AFAP1: variants seen among roughly 807,000 people sequenced by gnomAD.
AFAP1 encodes the protein actin filament associated protein 1, also known as actin filament-associated protein 1.
In AFAP1, 75 loss-of-function variants were observed where a neutral mutation model predicts 93.9. That is an observed-to-expected ratio of 0.80 (90% CI 0.66 to 0.97). The LOEUF is 0.97. AFAP1 is among the 50% of genes least tolerant of loss of function. AFAP1 has a pLI of 0.00. For missense variants in AFAP1, 1,201 were observed against 1,050.8 expected (o/e 1.14, Z -1.98); for synonymous variants, 517 against 430.7 (o/e 1.20, Z -2.48).
At chr4:7,937,084 AAAAC>A (rs1329750982) in intron 1 of AFAP1, among the ~76,000 whole-genome samples, 1 of 152,058 alleles carries the variant, frequency 6.6e-6, no homozygotes, top group Non-Finnish European at 1.5e-5. Context: ...TAATGAGAAA[AAAAC>A]AAACCAATTG....
chr4:7,923,754 C>G (rs1043507524), intron 1 of AFAP1, among the ~76,000 whole-genome samples: 2 of 152,112 alleles, frequency 1.3e-5, no homozygotes, highest in Admixed American at 1.3e-4. Context: ...TGTGAGCCAC[C>G]GCACCCGGCC....
intron 8 of AFAP1, among the ~76,000 whole-genome samples, chr4:7,813,603 T>C (rs934513518): frequency 2.0e-5 from 3 of 152,130 alleles, no homozygotes; most frequent in Non-Finnish European, 4.4e-5. Context: ...AACATTGAGA[T>C]TGTATGTTAT....
At chr4:7,831,910 A>T (rs528600267) in intron 6 of AFAP1, among the ~76,000 whole-genome samples, 1 of 152,262 alleles carries the variant, frequency 6.6e-6, no homozygotes, top group Admixed American at 6.5e-5. Flanking sequence ...GGTCATAGAA[A>T]TGTGGAATAA....
chr4:7,797,182 G>A (rs1718509038), intron 10 of AFAP1, among the ~76,000 whole-genome samples: 1 of 152,202 alleles, frequency 6.6e-6, no homozygotes, highest in African/African-American at 2.4e-5. Flanking sequence ...GCTAATAAAT[G>A]TAGAAGGAAT....
chr4:7,769,234 G>T (rs1715065318), intron 16 of AFAP1, among the ~76,000 whole-genome samples: 2 of 152,212 alleles, frequency 1.3e-5, no homozygotes, highest in Non-Finnish European at 2.9e-5. Flanking sequence ...GGCTCCAAGG[G>T]GTGCTCTGAC....
rs753024667 is a variant in AFAP1 at position 7,772,855 on chromosome 4, C to G, written c.2218G>C (p.Ala740Pro). The G allele has an allele frequency of 2.5e-6, 4 of 1,613,898 alleles. No homozygotes were observed. The highest frequency in any genetic ancestry group is 1.3e-5 in the African/African-American group (1 of 74,940). ...ALAGGVTLGL[A>P]IEPKSGTSSP... ...GATGTCCCTGACTTGGGCTCGATGG[C>G]CAGCCCCAGGGTGACTCCGCCCGCC... Residue 740 changes from alanine (A) to proline (P), a missense_variant, in exon 16 of 18, where the codon GCC (alanine) becomes CCC (proline). Physicochemically the swap from Ala to Pro is conservative, Grantham distance 27 (BLOSUM62 -1). Transcript: ENST00000420658.
At chr4:7,873,338 A>G (rs1196585696) in intron 1 of AFAP1, among the ~76,000 whole-genome samples, 1 of 125,382 alleles carries the variant, frequency 8.0e-6, no homozygotes, top group African/African-American at 2.9e-5. Context: ...CTTTGAAGAC[A>G]CACCTTTTTT....
chr4:7,909,590 A>T (rs1156901214), intron 1 of AFAP1, among the ~76,000 whole-genome samples: 2 of 152,234 alleles, frequency 1.3e-5, no homozygotes, highest in Non-Finnish European at 2.9e-5. Context: ...AGGATGTGGC[A>T]TTTAGGCAAT....
intron 5 of AFAP1, among the ~76,000 whole-genome samples, chr4:7,840,928 A>G (rs560094002): frequency 6.6e-6 from 1 of 152,308 alleles, no homozygotes; most frequent in South Asian, 2.1e-4. Flanking sequence ...TGATACAGAA[A>G]ATGTATAGTG....
At chr4:7,903,384 A>G (rs909554450) in intron 1 of AFAP1, among the ~76,000 whole-genome samples, 1 of 152,240 alleles carries the variant, frequency 6.6e-6, no homozygotes, top group African/African-American at 2.4e-5. Context: ...CTAGCGTTAC[A>G]AAGTGGAAAC....
In AFAP1 at chr4:7,908,069, G is replaced by A. The variant is rs188642608; in HGVS notation, c.-3+31587C>T. On this transcript the variant is annotated intron_variant, in intron 1 of 17. Coordinates refer to ENST00000420658, the MANE Select transcript of AFAP1 (RefSeq NM_001134647.2). Reference sequence around the variant, plus strand: ...TTTACTAAAAATGCAAAAATTAGCCGGGCGTGGTGGCACACACCTGTTATC... The same window carrying A: ...TTTACTAAAAATGCAAAAATTAGCCAGGCGTGGTGGCACACACCTGTTATC... 3.9e-5 allele frequency among the ~76,000 whole-genome samples: 6 copies of A among 152,170 alleles called. No individual in the cohort carries two copies. The East Asian group carries it at 7.7e-4, about 20-fold the overall frequency.
chr4:7,875,009 A>G (rs1165228184), intron 1 of AFAP1, among the ~76,000 whole-genome samples: 1 of 152,180 alleles, frequency 6.6e-6, no homozygotes, highest in Non-Finnish European at 1.5e-5. Context: ...TGAGACCAAA[A>G]AGTTTCAGAT....
At chr4:7,930,356 T>C (rs1720995649) in intron 1 of AFAP1, among the ~76,000 whole-genome samples, 1 of 151,456 alleles carries the variant, frequency 6.6e-6, no homozygotes, top group Non-Finnish European at 1.5e-5. Context: ...TAGACATGAT[T>C]AAGTCATTGG....
At chr4:7,829,785 A>T (rs1292408818) in intron 6 of AFAP1, among the ~76,000 whole-genome samples, 1 of 152,108 alleles carries the variant, frequency 6.6e-6, no homozygotes, top group Admixed American at 6.6e-5. Context: ...AAATTGGTAA[A>T]CCTCCTAGGA....
chr4:7,939,716 AGCTGAACAGCCGACAGAGCCGCAGCC>A lies in AFAP1; in HGVS notation c.-89_-64del, dbSNP rs1484741606. On this transcript the variant is annotated 5_prime_UTR_variant, in exon 1 of 18. Coordinates refer to ENST00000420658, the MANE Select transcript of AFAP1 (RefSeq NM_001134647.2). This position sits in a 1 kb window ranked among gnomAD's most constrained non-coding sequence, Gnocchi z 5.6. The stretch of plus-strand genomic sequence containing the variant: ...GCGGCGCCTGGGCCGACTGGAGCGC[AGCTGAACAGCCGACAGAGCCGCAGCC>A]GCCTTAACAATGGAGCCCCGGGGCG... The A allele has an allele frequency of 7.2e-6, 3 of 413,872 alleles. No individual in the cohort carries two copies. The highest frequency in any genetic ancestry group is 9.5e-6 in the Non-Finnish European group (2 of 209,528). 25.6% of individuals were successfully genotyped at this position (413,872 alleles called of 1,614,324 possible). A position where few individuals can be genotyped will look rare whatever the true frequency, so the allele number is the denominator to read the frequency against.
rs970017140 is a variant in AFAP1, at chr4:7,760,301, A to C, written c.*3464T>G. The C allele has an allele frequency of 1.3e-5, 2 of 152,258 alleles. No homozygotes were observed. Among genetic ancestry groups the C allele is most frequent in the African/African-American group, 4.8e-5 (2 of 41,474 alleles). 9.4% of individuals were successfully genotyped at this position (152,258 alleles called of 1,614,324 possible). ...TCTGGGATGAGTAAGATACAGGGGAAGGTTAAGCCTGGCAACGCCAGGGCA... is the reference window on the plus strand; with the variant it reads ...TCTGGGATGAGTAAGATACAGGGGACGGTTAAGCCTGGCAACGCCAGGGCA... On this transcript the variant is annotated 3_prime_UTR_variant, in exon 18 of 18. Coordinates refer to ENST00000420658, the MANE Select transcript of AFAP1 (RefSeq NM_001134647.2).
At chr4:7,798,101 T>C (rs28569002) in intron 10 of AFAP1, among the ~76,000 whole-genome samples, 3,701 of 91,810 alleles carry the variant, frequency 0.04, 164 homozygotes, top group East Asian at 0.11. Flanking sequence ...GCTCACGGCA[T>C]TGCAACTCTA....
chr4:7,933,831 T>G (rs1400485962), intron 1 of AFAP1, among the ~76,000 whole-genome samples: 1 of 152,196 alleles, frequency 6.6e-6, no homozygotes, highest in Non-Finnish European at 1.5e-5. Context: ...CAGTGAGGAA[T>G]GCAGCCCAGC....
At chr4:7,849,465 C>A (rs1339697377) in intron 4 of AFAP1, among the ~76,000 whole-genome samples, 1 of 152,188 alleles carries the variant, frequency 6.6e-6, no homozygotes, top group African/African-American at 2.4e-5. Flanking sequence ...ATATTACCTG[C>A]CAGATGCAAA....
Sources: allele counts gnomAD v4.1 joint callset (sites outside exome capture counted in the v4.1 genomes callset), GRCh38; gene constraint gnomAD v4.1.1; non-coding constraint Gnocchi (gnomAD v3.1); transcripts MANE v1.5; gene names NCBI Gene and HGNC (gene_info 2026-07-23, HGNC 2026-07-21).